The following THRB variants were observed in gnomAD, a reference collection of about 807,000 sequenced individuals.
The protein encoded by THRB is thyroid hormone receptor beta.
Under a neutral mutation model 47.8 loss-of-function variants are expected in THRB, and 12 were observed. That is an observed-to-expected ratio of 0.25 (90% CI 0.16 to 0.41). The LOEUF (loss-of-function observed/expected upper bound fraction) is 0.41, where lower values mean the gene tolerates loss of function less well. Among genes scored for constraint, THRB ranks in the 10% least tolerant of loss-of-function variants. THRB has a pLI of 1.00. For missense variants in THRB, 348 were observed against 589.2 expected (o/e 0.59, Z 4.24); for synonymous variants, 218 against 212.2 (o/e 1.03, Z -0.24).
At chr3:24,299,800 T>TTTTTTTTG (rs2056799682) in intron 2 of THRB, among the ~76,000 whole-genome samples, 1 of 132,706 alleles carries the variant, frequency 7.5e-6, no homozygotes, top group African/African-American at 2.8e-5. Context: ...TTTTTTTTTT[T>TTTTTTTTG]TTAGCAAACA....
At position 24,299,766 on chromosome 3, in the gene THRB, C is replaced by CTTTTTTTTTTTTTTTTTTTTTTTTTTT. The variant is rs1360367092; in HGVS notation, c.-188-2396_-188-2395insAAAAAAAAAAAAAAAAAAAAAAAAAAA. ...GCCTTGAGGCTTCTGGGGAAGTATG[C>CTTTTTTTTTTTTTTTTTTTTTTTTTTT]TTTTTTATTTATTTATTTATTTATT... On this transcript the variant is annotated intron_variant, in intron 2 of 10. Transcript: ENST00000646209. 2.2e-4 allele frequency among the ~76,000 whole-genome samples: 13 copies of CTTTTTTTTTTTTTTTTTTTTTTTTTTT among 58,578 alleles called. 6 individuals are homozygous for CTTTTTTTTTTTTTTTTTTTTTTTTTTT. The highest frequency in any genetic ancestry group is 7.3e-4 in the African/African-American group (9 of 12,346). The allele number at this position is 58,578 out of a possible 152,430, so 38.4% of individuals were successfully genotyped here.
chr3:24,339,905 TTAA>T (rs1340195950), intron 1 of THRB, among the ~76,000 whole-genome samples: 1 of 152,250 alleles, frequency 6.6e-6, no homozygotes, highest in African/African-American at 2.4e-5. Context: ...TTGCACATTT[TTAA>T]TTGGAGCACA....
chr3:24,233,652 G>T (rs1448503558), intron 3 of THRB, among the ~76,000 whole-genome samples: 1 of 146,852 alleles, frequency 6.8e-6, no homozygotes, highest in Non-Finnish European at 1.5e-5. Context: ...GACCACATGT[G>T]GGCTGCTACA....
intron 1 of THRB, among the ~76,000 whole-genome samples, chr3:24,398,217 G>T (rs1441852110): frequency 6.6e-6 from 1 of 152,078 alleles, no homozygotes. Flanking sequence ...CTAGGTCATT[G>T]AAAATGACCC....
At chr3:24,234,259 T>C (rs2048641775) in intron 3 of THRB, among the ~76,000 whole-genome samples, 1 of 152,078 alleles carries the variant, frequency 6.6e-6, no homozygotes, top group South Asian at 2.1e-4. Context: ...TTTCAGAGGG[T>C]TCACAGATAC....
intron 1 of THRB, among the ~76,000 whole-genome samples, chr3:24,409,224 A>G (rs1005167804): frequency 1.3e-5 from 2 of 151,854 alleles, no homozygotes; most frequent in Non-Finnish European, 2.9e-5. Context: ...AACTAAAGAT[A>G]AAGGCCCCAC....
intron 1 of THRB, among the ~76,000 whole-genome samples, chr3:24,400,266 A>G (rs1033281653): frequency 6.6e-6 from 1 of 152,130 alleles, no homozygotes. Context: ...GGTTCTAATG[A>G]GTTACTGCCT....
intron 4 of THRB, among the ~76,000 whole-genome samples, chr3:24,218,995 G>T (rs1272463751): frequency 6.6e-6 from 1 of 152,186 alleles, no homozygotes; most frequent in African/African-American, 2.4e-5. Flanking sequence ...GCTCGGGCGT[G>T]GTGGCTCATG....
chr3:24,349,508 A>G (rs1191922297), intron 1 of THRB, among the ~76,000 whole-genome samples: 1 of 152,176 alleles, frequency 6.6e-6, no homozygotes, highest in Non-Finnish European at 1.5e-5. Flanking sequence ...ATAGACAAAT[A>G]GATCACAAGA....
intron 4 of THRB, among the ~76,000 whole-genome samples, chr3:24,222,651 T>C (rs1399411506): frequency 6.6e-6 from 1 of 152,144 alleles, no homozygotes; most frequent in Non-Finnish European, 1.5e-5. Context: ...CTCAAGGAAT[T>C]TGGGGGAAGA....
At position 24,151,982 on chromosome 3, in the gene THRB, G is replaced by A. The variant is rs115323957; in HGVS notation, c.384+408C>T. 3.8e-3 allele frequency among the ~76,000 whole-genome samples: 582 copies of A among 152,300 alleles called. 2 individuals carry two copies. The highest frequency in any genetic ancestry group is 0.013 in the African/African-American group (553 of 41,572). ...TCAGACTAACAGCAGAAAACAGCCT[G>A]TGGTAGAGTAAACTCTGTCTCCTCC... On this transcript the variant is annotated intron_variant, in intron 6 of 10. Transcript: ENST00000646209.
chr3:24,425,896 T>C (rs1288002688), intron 1 of THRB, among the ~76,000 whole-genome samples: 2 of 151,942 alleles, frequency 1.3e-5, no homozygotes, highest in Non-Finnish European at 2.9e-5. Context: ...ATGATGACTA[T>C]GAGAAACGAT....
At chr3:24,440,980 G>A (rs551738389) in intron 1 of THRB, among the ~76,000 whole-genome samples, 1 of 152,200 alleles carries the variant, frequency 6.6e-6, no homozygotes, top group African/African-American at 2.4e-5. Context: ...ATCTCACCAG[G>A]CTGAAATCAA....
intron 1 of THRB, among the ~76,000 whole-genome samples, chr3:24,415,306 C>G (rs2068646565): frequency 1.3e-5 from 2 of 151,836 alleles, no homozygotes; most frequent in Non-Finnish European, 2.9e-5. Flanking sequence ...CTAACAAACT[C>G]TCCTTCATAT....
At chr3:24,276,113 T>G (rs916795717) in intron 3 of THRB, among the ~76,000 whole-genome samples, 2 of 152,150 alleles carry the variant, frequency 1.3e-5, no homozygotes, top group African/African-American at 4.8e-5. Context: ...ATTATCATAC[T>G]TGGAGACTCA....
intron 1 of THRB, among the ~76,000 whole-genome samples, chr3:24,443,332 T>C (rs1352472558): frequency 6.6e-6 from 1 of 152,048 alleles, no homozygotes; most frequent in African/African-American, 2.4e-5. Flanking sequence ...CAAAAATCTT[T>C]AAAAGTTATA....
At chr3:24,310,647 C>T (rs1422024453) in intron 2 of THRB, among the ~76,000 whole-genome samples, 1 of 152,178 alleles carries the variant, frequency 6.6e-6, no homozygotes, top group Non-Finnish European at 1.5e-5. Context: ...ACTCACTGCT[C>T]TAAAGCAACG....
At chr3:24,213,122 G>C (rs1266580979) in intron 4 of THRB, among the ~76,000 whole-genome samples, 3 of 152,224 alleles carry the variant, frequency 2.0e-5, no homozygotes, top group Non-Finnish European at 4.4e-5. Context: ...TTCTGAGAGA[G>C]AGAAGAGAAG....
chr3:24,474,416 C>T (rs912101956), intron 1 of THRB, among the ~76,000 whole-genome samples: 3 of 152,192 alleles, frequency 2.0e-5, no homozygotes, highest in African/African-American at 7.2e-5. Flanking sequence ...GCAGACATCA[C>T]TAATCAATCA....
Sources: allele counts gnomAD v4.1 joint callset (sites outside exome capture counted in the v4.1 genomes callset), GRCh38; gene constraint gnomAD v4.1.1; transcripts MANE v1.5; gene names NCBI Gene and HGNC (gene_info 2026-07-23, HGNC 2026-07-21).